The following CIT variants were observed in gnomAD, a reference collection of about 807,000 sequenced individuals.
CIT encodes citron Rho-interacting kinase.
CIT carries 79 observed loss-of-function variants against 272.7 expected under a neutral mutation model. The observed-to-expected ratio is 0.29, with a 90% confidence interval of 0.24 to 0.35. The LOEUF (loss-of-function observed/expected upper bound fraction) is 0.35. Among genes scored for constraint, CIT ranks in the 10% least tolerant of loss-of-function variants. The pLI is 1.00. For missense variants in CIT, 1,909 were observed against 2,618.3 expected, an observed-to-expected ratio of 0.73 and a Z score of 5.91; for synonymous variants, 948 against 995.6, an observed-to-expected ratio of 0.95 and a Z score of 0.90.
chr12:119,741,518 GA>G (rs566868247), intron 24 of CIT, among the ~76,000 whole-genome samples: 139 of 152,010 alleles, frequency 9.1e-4, no homozygotes, highest in African/African-American at 3.0e-3. Flanking sequence ...TCTAAATTAA[GA>G]AAAAAATACC....
intron 13 of CIT, chr12:119,782,097 T>A (rs533764424): frequency 1.3e-5 from 2 of 153,552 alleles, no homozygotes; most frequent in East Asian, 3.8e-4. Flanking sequence ...GAGACTGAAA[T>A]TTGAATTTCA....
intron 13 of CIT, among the ~76,000 whole-genome samples, chr12:119,777,422 A>G (rs992563310): frequency 1.3e-5 from 2 of 152,192 alleles, no homozygotes; most frequent in African/African-American, 4.8e-5. Flanking sequence ...CTGTAATCCC[A>G]GAACTTTGGG....
At chr12:119,747,257 C>T (rs540592956) in intron 23 of CIT, among the ~76,000 whole-genome samples, 30 of 151,892 alleles carry the variant, frequency 2.0e-4, no homozygotes, top group Middle Eastern at 3.4e-3. Flanking sequence ...CCCTTCTCTA[C>T]TAAAAATTTA....
intron 7 of CIT, among the ~76,000 whole-genome samples, chr12:119,831,441 A>T (rs1183108856): frequency 6.6e-6 from 1 of 152,208 alleles, no homozygotes; most frequent in Admixed American, 6.5e-5. Flanking sequence ...GGGCCTGAAC[A>T]CCAAGAAAAT....
intron 5 of CIT, among the ~76,000 whole-genome samples, chr12:119,841,498 T>G (rs1233575458): frequency 6.6e-6 from 1 of 152,132 alleles, no homozygotes; most frequent in East Asian, 1.9e-4. Flanking sequence ...TTAGCCTCTG[T>G]GACAGACTAT....
intron 44 of CIT, chr12:119,699,656 A>C: frequency 2.8e-6 from 1 of 363,086 alleles, no homozygotes; most frequent in Non-Finnish European, 5.5e-6. Flanking sequence ...AAGCGCCCAC[A>C]TTATGGCCAG....
chr12:119,863,201 C>CGAAAA (rs1301019400), intron 3 of CIT, among the ~76,000 whole-genome samples: 8 of 40,518 alleles, frequency 2.0e-4, no homozygotes, highest in African/African-American at 7.0e-4. Context: ...GACTCTGTAT[C>CGAAAA]AAAAAAAAAA....
intron 18 of CIT, among the ~76,000 whole-genome samples, chr12:119,769,874 A>G (rs7136614): frequency 2.0e-5 from 3 of 152,164 alleles, no homozygotes; most frequent in South Asian, 2.1e-4. Context: ...GTTGGCCACT[A>G]TGGAATTCCA....
intron 46 of CIT, among the ~76,000 whole-genome samples, chr12:119,696,984 T>G (rs1314305065): frequency 6.6e-6 from 1 of 152,220 alleles, no homozygotes; most frequent in Non-Finnish European, 1.5e-5. Flanking sequence ...ATTTAACTGC[T>G]TCTTTATCAA....
At chr12:119,720,258 C>T (rs1957756865) in intron 30 of CIT, among the ~76,000 whole-genome samples, 1 of 152,192 alleles carries the variant, frequency 6.6e-6, no homozygotes, top group South Asian at 2.1e-4. Flanking sequence ...TTTGAATGGT[C>T]ATAAACAAAA....
chr12:119,724,832 G>A (rs931931218), intron 28 of CIT, among the ~76,000 whole-genome samples: 5 of 151,116 alleles, frequency 3.3e-5, no homozygotes, highest in East Asian at 2.0e-4. Flanking sequence ...CCAGCTACTC[G>A]GGAGGCTGAG....
chr12:119,767,026 G>C, intron 19 of CIT, 61 bp downstream of exon 19: 1 of 1,232,096 alleles, frequency 8.1e-7, no homozygotes, highest in Non-Finnish European at 1.1e-6. Context: ...GGCCCAGGAA[G>C]AGATGGGAGC....
rs746256370 is a variant in CIT, at chr12:119,772,828, T to C, written c.2024A>G (p.Lys675Arg). ...AGAAGAATCCTCTCGGTTCTGCAGCTTCTCCAGCTCCCTCTCGGCTCGCTC... is the reference window on the plus strand; with the variant it reads ...AGAAGAATCCTCTCGGTTCTGCAGCCTCTCCAGCTCCCTCTCGGCTCGCTC... ...AKERAERELE[K>R]LQNREDSSEG... The change falls in exon 17 of 48, where the codon AAG (lysine) becomes AGG (arginine). Residue 675 changes from lysine (K) to arginine (R), a missense_variant. By Grantham distance (26) the Lys-to-Arg change is conservative. Coordinates refer to ENST00000392521, the MANE Select transcript of CIT (RefSeq NM_001206999.2). 1 of 1,614,102 alleles carries C rather than the reference T, an allele frequency of 6.2e-7. No homozygotes were observed.
At position 119,712,750 on chromosome 12, in the gene CIT, A is replaced by C; in HGVS notation, c.4580-55T>G. 9.1e-6 allele frequency: 13 copies of C among 1,427,826 alleles called. No individual in the cohort carries two copies. The highest frequency in any genetic ancestry group is 1.1e-5 in the Non-Finnish European group (11 of 1,012,034). The allele number at this position is 1,427,826 out of a possible 1,614,324, so 88.4% of individuals were successfully genotyped here. A position where few individuals can be genotyped will look rare whatever the true frequency, so the allele number is the denominator to read the frequency against. On this transcript the variant is annotated intron_variant, in intron 35 of 47. Coordinates refer to ENST00000392521, the MANE Select transcript of CIT (RefSeq NM_001206999.2). The surrounding 1 kb of genome is among the most constrained non-coding windows in gnomAD (Gnocchi z 5.2). ...AAACAAAAGAACAGGAACAAGAACAAGGGGAGAAGAGAGAGCGAGAGAGAC... is the reference window on the plus strand; with the variant it reads ...AAACAAAAGAACAGGAACAAGAACACGGGGAGAAGAGAGAGCGAGAGAGAC...
chr12:119,703,279 G>A (rs150778104), intron 41 of CIT, among the ~76,000 whole-genome samples: 70 of 152,234 alleles, frequency 4.6e-4, no homozygotes, highest in African/African-American at 1.6e-3. Flanking sequence ...TGTGGTGAAA[G>A]GTGCTTGTAA....
chr12:119,831,081 G>T (rs1034200137), intron 7 of CIT, among the ~76,000 whole-genome samples: 2 of 152,090 alleles, frequency 1.3e-5, no homozygotes, highest in African/African-American at 4.8e-5. Flanking sequence ...GCCCAGGCTG[G>T]TCTCAAACTC....
At chr12:119,792,016 C>T (rs1440998057) in intron 10 of CIT, among the ~76,000 whole-genome samples, 1 of 152,010 alleles carries the variant, frequency 6.6e-6, no homozygotes, top group Non-Finnish European at 1.5e-5. Flanking sequence ...ATCCATATAA[C>T]TTTGTTAAAA....
At chr12:119,871,488 G>A (rs1429582899) in intron 2 of CIT, among the ~76,000 whole-genome samples, 1 of 152,064 alleles carries the variant, frequency 6.6e-6, no homozygotes, top group Non-Finnish European at 1.5e-5. Context: ...ACATTCTCTG[G>A]TCCTATGCCC....
At chr12:119,791,100 G>C (rs1593760811) in intron 10 of CIT, among the ~76,000 whole-genome samples, 1 of 152,172 alleles carries the variant, frequency 6.6e-6, no homozygotes, top group Non-Finnish European at 1.5e-5. Context: ...ACCATGATTT[G>C]TGCAGGGGTG....
Sources: allele counts gnomAD v4.1 joint callset (sites outside exome capture counted in the v4.1 genomes callset), GRCh38; gene constraint gnomAD v4.1.1; non-coding constraint Gnocchi (gnomAD v3.1); transcripts MANE v1.5; gene names NCBI Gene and HGNC (gene_info 2026-07-23, HGNC 2026-07-21).